The following MICU1 variants were observed in gnomAD, a reference collection of about 807,000 sequenced individuals.
MICU1 encodes mitochondrial calcium uptake 1, also known as calcium uptake protein 1, mitochondrial.
MICU1 carries 45 observed loss-of-function variants against 56.8 expected under a neutral mutation model. The ratio of observed to expected loss-of-function variants is 0.79; its 90% CI spans 0.62 to 1.02. MICU1 has a LOEUF of 1.02. MICU1 is among the 50% of genes least tolerant of loss of function. The pLI is 0.00. For synonymous variants in MICU1, 186 were observed against 195.1 expected (o/e 0.95, Z 0.39); for missense variants, 504 against 587.1 (o/e 0.86, Z 1.46).
At position 72,381,963 on chromosome 10, in the gene MICU1, T is replaced by TACACACACACAC. The variant is rs10535513; in HGVS notation, c.1181-6103_1181-6092dup. 3.6e-3 allele frequency among the ~76,000 whole-genome samples: 493 copies of TACACACACACAC among 138,444 alleles called. 2 individuals are homozygous for TACACACACACAC. The highest frequency in any genetic ancestry group is 0.011 in the Middle Eastern group (3 of 274). 90.8% of individuals were successfully genotyped at this position (138,444 alleles called of 152,430 possible). A position where few individuals can be genotyped will look rare whatever the true frequency, so the allele number is the denominator to read the frequency against. Reference sequence around the variant, plus strand: ...AGGAGACTGTGTATATATATATCTATACACACACACACACACACACACACA... The same window carrying TACACACACACAC: ...AGGAGACTGTGTATATATATATCTATACACACACACACACACACACACACACACACACACACA... On this transcript the variant is annotated intron_variant, in intron 10 of 11. Coordinates refer to ENST00000361114, the MANE Select transcript of MICU1 (RefSeq NM_001195518.2).
At chr10:72,517,016 ACT>A (rs757236642) in intron 5 of MICU1, among the ~76,000 whole-genome samples, 3 of 152,148 alleles carry the variant, frequency 2.0e-5, no homozygotes, top group Non-Finnish European at 4.4e-5. Flanking sequence ...AGTATCCAAA[ACT>A]CTGAGGAAGA....
chr10:72,527,361 G>GTT (rs140772337), intron 5 of MICU1, among the ~76,000 whole-genome samples: 79 of 150,338 alleles, frequency 5.3e-4, no homozygotes, highest in African/African-American at 1.9e-3. Context: ...TTTTTCTTTT[G>GTT]TTTTTGTTTT....
intron 5 of MICU1, among the ~76,000 whole-genome samples, chr10:72,521,760 A>G (rs1305856668): frequency 6.6e-6 from 1 of 152,090 alleles, no homozygotes; most frequent in Admixed American, 6.6e-5. Flanking sequence ...ATCAGGACTG[A>G]ATATTTTTGA....
chr10:72,393,007 A>G (rs1033422821), intron 10 of MICU1, among the ~76,000 whole-genome samples: 2 of 152,262 alleles, frequency 1.3e-5, no homozygotes, highest in African/African-American at 4.8e-5. Flanking sequence ...TTTACATGGA[A>G]GAAGGTGAAA....
At chr10:72,539,998 T>C (rs1839730742) in intron 4 of MICU1, among the ~76,000 whole-genome samples, 1 of 152,146 alleles carries the variant, frequency 6.6e-6, no homozygotes, top group Non-Finnish European at 1.5e-5. Context: ...CTGTGCGTGG[T>C]GGCTCATGCC....
intron 8 of MICU1, among the ~76,000 whole-genome samples, chr10:72,466,901 A>G (rs948694787): frequency 3.3e-5 from 5 of 152,188 alleles, no homozygotes; most frequent in Admixed American, 3.3e-4. Context: ...TGATTCTAGA[A>G]TCTCTTTAGG....
intron 7 of MICU1, among the ~76,000 whole-genome samples, chr10:72,476,580 T>C (rs1172393710): frequency 1.3e-5 from 2 of 152,200 alleles, no homozygotes; most frequent in East Asian, 3.8e-4. Context: ...CTTCCTGGAA[T>C]ATTTGCCCCT....
chr10:72,519,687 T>A (rs538117554), intron 5 of MICU1, among the ~76,000 whole-genome samples: 56 of 152,224 alleles, frequency 3.7e-4, no homozygotes, highest in Non-Finnish European at 6.9e-4. Context: ...CAGTAAATCC[T>A]AACTAGTTAC....
At chr10:72,597,644 A>G (rs1841415783) in intron 1 of MICU1, among the ~76,000 whole-genome samples, 1 of 152,226 alleles carries the variant, frequency 6.6e-6, no homozygotes, top group African/African-American at 2.4e-5. Context: ...GTACAGTCAT[A>G]AAATTTCACG....
At chr10:72,504,432 G>T (rs188898583) in intron 6 of MICU1, among the ~76,000 whole-genome samples, 25 of 152,194 alleles carry the variant, frequency 1.6e-4, no homozygotes, top group African/African-American at 5.8e-4. Context: ...ATATGCAGAA[G>T]AATGAAACTG....
At chr10:72,560,719 A>C (rs1840275383) in intron 3 of MICU1, among the ~76,000 whole-genome samples, 2 of 152,158 alleles carry the variant, frequency 1.3e-5, no homozygotes, top group Non-Finnish European at 2.9e-5. Context: ...AAAATGCAAA[A>C]GTTAGCCAGA....
chr10:72,439,941 A>G (rs1425654772), intron 8 of MICU1, among the ~76,000 whole-genome samples: 1 of 152,234 alleles, frequency 6.6e-6, no homozygotes, highest in Non-Finnish European at 1.5e-5. Flanking sequence ...CATGGATAGG[A>G]AGAATCAATA....
chr10:72,475,920 T>G, intron 7 of MICU1: 1 of 456,352 alleles, frequency 2.2e-6, no homozygotes, highest in East Asian at 7.0e-5. Context: ...GAACATTTGT[T>G]TTGGAGACTC....
chr10:72,552,181 C>T (rs1477157283), intron 3 of MICU1, among the ~76,000 whole-genome samples: 3 of 152,112 alleles, frequency 2.0e-5, no homozygotes, highest in South Asian at 2.1e-4. Context: ...AGATCCTTTA[C>T]GTATGGCATA....
intron 8 of MICU1, among the ~76,000 whole-genome samples, chr10:72,472,791 T>C (rs1171020603): frequency 6.6e-6 from 1 of 152,174 alleles, no homozygotes; most frequent in Non-Finnish European, 1.5e-5. Flanking sequence ...TCCTATGGCA[T>C]ATTTCTGGTC....
At chr10:72,378,023 A>C (rs1009369177) in intron 10 of MICU1, among the ~76,000 whole-genome samples, 1 of 152,098 alleles carries the variant, frequency 6.6e-6, no homozygotes, top group Non-Finnish European at 1.5e-5. Context: ...GCCAAGGCTG[A>C]TGGATCACCT....
intron 10 of MICU1, among the ~76,000 whole-genome samples, chr10:72,391,664 T>A (rs1863076140): frequency 6.6e-6 from 1 of 152,154 alleles, no homozygotes; most frequent in South Asian, 2.1e-4. Context: ...AGATTTTTTT[T>A]TCAATAAATT....
At chr10:72,519,420 T>G (rs1427030452) in intron 5 of MICU1, among the ~76,000 whole-genome samples, 1 of 152,216 alleles carries the variant, frequency 6.6e-6, no homozygotes, top group Admixed American at 6.5e-5. Flanking sequence ...CTGGATATTT[T>G]CATTTTTTAG....
chr10:72,556,426 C>T (rs1840160908), intron 3 of MICU1, among the ~76,000 whole-genome samples: 1 of 152,054 alleles, frequency 6.6e-6, no homozygotes, highest in Admixed American at 6.6e-5. Flanking sequence ...CTGCAACCTC[C>T]GCCTCCCAGG....
Sources: allele counts gnomAD v4.1 joint callset (sites outside exome capture counted in the v4.1 genomes callset), GRCh38; gene constraint gnomAD v4.1.1; transcripts MANE v1.5; gene names NCBI Gene and HGNC (gene_info 2026-07-23, HGNC 2026-07-21).